Variants in DNAH2 observed in about 807,000 individuals in gnomAD.
DNAH2 encodes the protein dynein axonemal heavy chain 2.
Under a neutral mutation model 523.5 loss-of-function variants are expected in DNAH2, and 323 were observed. That is an observed-to-expected ratio of 0.62 (90% CI 0.56 to 0.68). The LOEUF (loss-of-function observed/expected upper bound fraction) is 0.68, where lower values mean the gene tolerates loss of function less well. Among genes scored for constraint, DNAH2 ranks in the 30% least tolerant of loss-of-function variants. DNAH2 has a pLI of 0.00. For synonymous variants in DNAH2, 2,093 were observed against 2,177.4 expected, an observed-to-expected ratio of 0.96 and a Z score of 1.08; for missense variants, 4,907 against 5,701.5, an observed-to-expected ratio of 0.86 and a Z score of 4.49.
intron 33 of DNAH2, 78 bp from the exon 34 acceptor site, chr17:7,777,999 C>A: frequency 7.5e-7 from 1 of 1,326,868 alleles, no homozygotes; most frequent in Non-Finnish European, 1.1e-6. Context: ...CAACTCTGAG[C>A]CCCACTCTCA....
chr17:7,785,593 T>C (rs1311033746), intron 39 of DNAH2, among the ~76,000 whole-genome samples: 1 of 152,226 alleles, frequency 6.6e-6, no homozygotes, highest in East Asian at 1.9e-4. Context: ...ACATGAGCTG[T>C]GTGTTTAAAA....
intron 44 of DNAH2, among the ~76,000 whole-genome samples, chr17:7,788,832 A>C (rs559078773): frequency 3.2e-4 from 49 of 152,340 alleles, no homozygotes; most frequent in Admixed American, 3.0e-3. Context: ...GATCTGTAGG[A>C]ACATATGTCA....
Position 7,754,737 on chromosome 17 carries a change from C to CT in DNAH2, c.1905-2353dup. ...TGCCCGCATGGCCAAGGGGCTCAGG[C>CT]TGTGCCGGCCCAAGGCCAAGGCCAA... is the stretch of plus-strand genomic sequence containing the variant. On this transcript the variant is annotated intron_variant, in intron 12 of 85. Coordinates refer to ENST00000572933, the MANE Select transcript of DNAH2 (RefSeq NM_020877.5). This position sits in a 1 kb window ranked among gnomAD's most constrained non-coding sequence, Gnocchi z 4.6. 1 of 1,069,494 alleles carries CT rather than the reference C, an allele frequency of 9.4e-7. No individual in the cohort carries two copies. The highest frequency in any genetic ancestry group is 1.4e-6 in the Non-Finnish European group (1 of 702,172). 66.3% of individuals were successfully genotyped at this position (1,069,494 alleles called of 1,614,324 possible).
At chr17:7,833,357 C>T in intron 85 of DNAH2, 22 bp from the exon 86 acceptor site, 1 of 1,612,730 alleles carries the variant, frequency 6.2e-7, no homozygotes, top group Non-Finnish European at 8.5e-7. Context: ...AGGGGTCTGA[C>T]TTCTCCTCTC....
intron 4 of DNAH2, among the ~76,000 whole-genome samples, chr17:7,728,337 G>A (rs1445954956): frequency 6.6e-6 from 1 of 152,198 alleles, no homozygotes; most frequent in Non-Finnish European, 1.5e-5. Flanking sequence ...AAACTTAAAA[G>A]GCTGTTGCTT....
At chr17:7,779,451 C>A in intron 36 of DNAH2, 28 bp downstream of exon 36, 3 of 1,606,226 alleles carry the variant, frequency 1.9e-6, no homozygotes, top group Non-Finnish European at 2.6e-6. Flanking sequence ...GATGGGACTC[C>A]TGGGGTGGGA....
chr17:7,727,754 C>CAAAA (rs766811062), intron 4 of DNAH2, among the ~76,000 whole-genome samples: 134 of 48,414 alleles, frequency 2.8e-3, no homozygotes, highest in Middle Eastern at 0.012. Flanking sequence ...GACTCTGTCT[C>CAAAA]AAAAAAAAAA....
chr17:7,749,473 T>A (rs542073779), intron 12 of DNAH2, among the ~76,000 whole-genome samples: 12 of 151,782 alleles, frequency 7.9e-5, no homozygotes, highest in African/African-American at 2.9e-4. Flanking sequence ...ATCCAAGACA[T>A]CCAGTTTGAA....
intron 1 of DNAH2, 71 bp from the exon 2 acceptor site, chr17:7,719,650 A>G: frequency 6.4e-7 from 1 of 1,567,230 alleles, no homozygotes; most frequent in South Asian, 1.1e-5. Context: ...TTCAAAAGGG[A>G]CTGCTTGTAT....
Position 7,771,416 on chromosome 17 carries a change from C to T in DNAH2, c.4449C>T (p.Ile1483=), listed in dbSNP as rs2076311427. The T allele has an allele frequency of 6.2e-7, 1 of 1,613,934 alleles. No individual in the cohort carries two copies. The highest frequency in any genetic ancestry group is 1.3e-5 in the African/African-American group (1 of 74,918). Residue 1483 remains isoleucine, a synonymous_variant, in exon 28 of 86, where the codon ATC becomes ATT. Transcript: ENST00000572933. ...FDQVNSNWKA[I]MDRMNKDNNA... is the part of the protein sequence containing the mutation. ...AGGTCAACAGCAACTGGAAAGCCAT[C>T]ATGGACAGGATGAACAAGGACAACA...
chr17:7,810,067 CTTTT>C (rs578080579), intron 63 of DNAH2, among the ~76,000 whole-genome samples: 1 of 127,310 alleles, frequency 7.9e-6, no homozygotes, highest in Non-Finnish European at 1.7e-5. Context: ...TCTTTTTTTT[CTTTT>C]TTTTTTTTTT....
chr17:7,733,122 AC>A lies in DNAH2; in HGVS notation c.437del (p.Pro146GlnfsTer63). 6.2e-7 allele frequency: 1 copy of A among 1,614,166 alleles called. No individual in the cohort carries two copies. Among genetic ancestry groups the A allele is most frequent in the Non-Finnish European group, 8.5e-7 (1 of 1,180,020 alleles). On this transcript the variant is annotated frameshift_variant, in exon 5 of 86. Transcript: ENST00000572933. LOFTEE classifies it high-confidence loss of function. ...AGCTTGTCTACTTCATTCGCCAAGC[AC>A]CAGTTCCCATCACCTGGGAGAACTT... ...NQLVYFIRQA[P>X]VPITWENFEA...
intron 28 of DNAH2, among the ~76,000 whole-genome samples, chr17:7,772,608 C>T (rs1382155935): frequency 6.6e-6 from 1 of 152,190 alleles, no homozygotes. Flanking sequence ...ACTAGTGTCC[C>T]TCCTTTCTTC....
chr17:7,774,346 A>G (rs2151229478), intron 28 of DNAH2, among the ~76,000 whole-genome samples: 1 of 152,256 alleles, frequency 6.6e-6, no homozygotes, highest in South Asian at 2.1e-4. Context: ...ACAGAGCAGG[A>G]TGGTGAGAGA....
At chr17:7,748,807 ATTT>A (rs762032878) in intron 12 of DNAH2, among the ~76,000 whole-genome samples, 2 of 143,506 alleles carry the variant, frequency 1.4e-5, no homozygotes, top group African/African-American at 2.5e-5. Context: ...CGCCACACAG[ATTT>A]TTTTTTTTTT....
intron 28 of DNAH2, 79 bp downstream of exon 28, chr17:7,771,547 A>G: frequency 1.3e-6 from 2 of 1,500,034 alleles, no homozygotes; most frequent in Non-Finnish European, 1.8e-6. Context: ...TTCATTTATT[A>G]AAAAGACTGA....
rs770021141 is a variant in DNAH2, at chr17:7,833,476, G to A, written c.13227G>A (p.Met4409Ile). Residue 4409 changes from methionine to isoleucine, a missense_variant, in exon 86 of 86, where the codon ATG (methionine) becomes ATA (isoleucine). By Grantham distance (10) the Met-to-Ile change is conservative. Coordinates refer to ENST00000572933, the MANE Select transcript of DNAH2 (RefSeq NM_020877.5). ...VIGIDLRSGA[M>I]TPDHWIKRGT... ...GCATTGACCTGCGGTCTGGGGCCAT[G>A]ACACCTGATCATTGGATCAAGAGGG... 1.2e-6 allele frequency: 2 copies of A among 1,614,148 alleles called. No individual in the cohort carries two copies. Among genetic ancestry groups the A allele is most frequent in the Non-Finnish European group, 1.7e-6 (2 of 1,180,032 alleles).
chr17:7,791,419 C>A lies in DNAH2; in HGVS notation c.6901-498C>A, dbSNP rs544532219. ...AACTATATCATGCTATATACTGCAACATGTCCGTTAAATTAACAATATGTT... is the reference window on the plus strand; with the variant it reads ...AACTATATCATGCTATATACTGCAAAATGTCCGTTAAATTAACAATATGTT... On this transcript the variant is annotated intron_variant, in intron 44 of 85. Coordinates refer to ENST00000572933, the MANE Select transcript of DNAH2 (RefSeq NM_020877.5). 1.4e-3 allele frequency among the ~76,000 whole-genome samples: 216 copies of A among 152,250 alleles called. 3 individuals carry two copies. The highest frequency in any genetic ancestry group is 3.9e-3 in the South Asian group (19 of 4,824).
Position 7,763,678 on chromosome 17 carries a change from A to C in DNAH2, c.2979-153A>C, listed in dbSNP as rs193056322. ...TCAGTCACAGCTGCATGGCTGGGGC[A>C]GATTGGAATGAGGGATGCCTGGGAG... On this transcript the variant is annotated intron_variant, in intron 18 of 85. Coordinates refer to ENST00000572933, the MANE Select transcript of DNAH2 (RefSeq NM_020877.5). Among the ~76,000 whole-genome samples the C allele has an allele frequency of 1.6e-3, 237 of 152,352 alleles. 1 individual carries two copies. The highest frequency in any genetic ancestry group is 5.6e-3 in the African/African-American group (232 of 41,592).
Sources: allele counts gnomAD v4.1 joint callset (sites outside exome capture counted in the v4.1 genomes callset), GRCh38; gene constraint gnomAD v4.1.1; non-coding constraint Gnocchi (gnomAD v3.1); transcripts MANE v1.5; gene names NCBI Gene and HGNC (gene_info 2026-07-23, HGNC 2026-07-21).